Variants in RORA observed in about 807,000 individuals in gnomAD.
RORA encodes RAR related orphan receptor A.
A neutral mutation model predicts 69.5 loss-of-function variants in RORA; 7 were observed. The observed-to-expected ratio is 0.10, with a 90% CI of 0.06 to 0.19. The LOEUF (loss-of-function observed/expected upper bound fraction) is 0.19. RORA is among the 10% of genes least tolerant of loss of function. The probability of loss-of-function intolerance (pLI) is 1.00; values close to 1 mark genes in which losing one functional copy is unlikely to be tolerated. For missense variants in RORA, 457 were observed against 663.0 expected, an observed-to-expected ratio of 0.69 and a Z score of 3.41; for synonymous variants, 261 against 240.8, an observed-to-expected ratio of 1.08 and a Z score of -0.78.
rs528057489 is a variant in RORA at position 60,546,871 on chromosome 15, T to C, written c.197-15020A>G. Among the ~76,000 whole-genome samples the C allele has an allele frequency of 1.4e-4, 21 of 152,344 alleles. No individual in the cohort carries two copies. The South Asian group carries it at 4.4e-3, about 32-fold the overall frequency. On this transcript the variant is annotated intron_variant, in intron 2 of 10. Coordinates refer to ENST00000335670, the MANE Select transcript of RORA (RefSeq NM_134261.3). ...CGTGATTACTATCAGATTATGACAA[T>C]GAAAGTCACCATTCTGTGTTCTTTT... is the stretch of plus-strand genomic sequence containing the variant.
intron 1 of RORA, among the ~76,000 whole-genome samples, chr15:60,742,574 C>T (rs2071588565): frequency 6.6e-6 from 1 of 152,212 alleles, no homozygotes; most frequent in South Asian, 2.1e-4. Flanking sequence ...CAATAGATCT[C>T]TTGAACTTAT....
At chr15:60,789,439 C>T (rs2072384732) in intron 1 of RORA, among the ~76,000 whole-genome samples, 2 of 152,228 alleles carry the variant, frequency 1.3e-5, no homozygotes, top group Admixed American at 6.5e-5. Context: ...ACTCAAGCAC[C>T]ACCTCTTCCA....
intron 1 of RORA, among the ~76,000 whole-genome samples, chr15:60,919,611 T>C (rs1305629668): frequency 1.3e-5 from 2 of 152,178 alleles, no homozygotes; most frequent in African/African-American, 2.4e-5. Flanking sequence ...CTGTATCACA[T>C]TCCTTTCACT....
chr15:60,576,320 C>T (rs2068025431), intron 2 of RORA, among the ~76,000 whole-genome samples: 1 of 152,194 alleles, frequency 6.6e-6, no homozygotes, highest in Non-Finnish European at 1.5e-5. Flanking sequence ...CAGTCAGAAG[C>T]AAGACCCTGG....
chr15:60,841,477 T>C (rs977347309), intron 1 of RORA, among the ~76,000 whole-genome samples: 8 of 151,974 alleles, frequency 5.3e-5, no homozygotes, highest in African/African-American at 1.9e-4. Context: ...TCTCTCTCCC[T>C]CTCTCTCTCT....
intron 1 of RORA, chr15:61,040,996 T>C (rs1177683192): frequency 1.3e-5 from 2 of 152,186 alleles, no homozygotes; most frequent in Non-Finnish European, 2.9e-5. Context: ...ATTGTTGTTT[T>C]GACTGAAATG....
chr15:60,783,635 A>G (rs912985994), intron 1 of RORA, among the ~76,000 whole-genome samples: 2 of 152,254 alleles, frequency 1.3e-5, no homozygotes, highest in East Asian at 3.8e-4. Flanking sequence ...GGTCTAAGTC[A>G]GGTCCTTGGC....
At chr15:60,935,410 A>G (rs1368398914) in intron 1 of RORA, among the ~76,000 whole-genome samples, 3 of 152,226 alleles carry the variant, frequency 2.0e-5, no homozygotes, top group Non-Finnish European at 4.4e-5. Context: ...TCAAACCCAC[A>G]GTGTCCATGC....
intron 1 of RORA, among the ~76,000 whole-genome samples, chr15:61,100,357 T>C (rs2078861556): frequency 6.6e-6 from 1 of 152,156 alleles, no homozygotes; most frequent in African/African-American, 2.4e-5. Context: ...TGACCTCAGA[T>C]GATCTACCCT....
At chr15:60,914,466 T>C (rs1891813285) in intron 1 of RORA, among the ~76,000 whole-genome samples, 1 of 152,218 alleles carries the variant, frequency 6.6e-6, no homozygotes, top group South Asian at 2.1e-4. Flanking sequence ...GTGCTTTCTA[T>C]TTGTGGTTTA....
At chr15:61,160,142 C>T (rs1281115562) in intron 1 of RORA, among the ~76,000 whole-genome samples, 1 of 152,202 alleles carries the variant, frequency 6.6e-6, no homozygotes, top group Non-Finnish European at 1.5e-5. Context: ...TAAATCAACA[C>T]TCCACATAAG....
intron 1 of RORA, among the ~76,000 whole-genome samples, chr15:60,923,268 C>G (rs1892105473): frequency 6.6e-6 from 1 of 152,204 alleles, no homozygotes; most frequent in South Asian, 2.1e-4. Flanking sequence ...GTTCTTACCA[C>G]GTTTTATTAA....
chr15:61,228,374 T>C (rs1487973809), intron 1 of RORA, among the ~76,000 whole-genome samples: 1 of 147,584 alleles, frequency 6.8e-6, no homozygotes, highest in African/African-American at 2.4e-5. Flanking sequence ...GCCAGACAAC[T>C]TGGCGAACAG....
At chr15:61,114,240 A>G (rs2079031524) in intron 1 of RORA, among the ~76,000 whole-genome samples, 1 of 152,044 alleles carries the variant, frequency 6.6e-6, no homozygotes, top group South Asian at 2.1e-4. Context: ...CTCTCCCCCA[A>G]ACCCAAGCAA....
intron 1 of RORA, among the ~76,000 whole-genome samples, chr15:60,811,095 T>C (rs2072736796): frequency 6.6e-6 from 1 of 152,156 alleles, no homozygotes; most frequent in Non-Finnish European, 1.5e-5. Context: ...TGAACCTATG[T>C]CTTAACCCCA....
chr15:60,877,876 GAT>G (rs530576417), intron 1 of RORA, among the ~76,000 whole-genome samples: 55 of 152,242 alleles, frequency 3.6e-4, no homozygotes, highest in South Asian at 1.2e-3. Context: ...CTAAATCATA[GAT>G]CAGTGGTGCT....
At chr15:61,146,482 A>G (rs3053965) in intron 1 of RORA, among the ~76,000 whole-genome samples, 8 of 146,660 alleles carry the variant, frequency 5.5e-5, no homozygotes, top group South Asian at 2.2e-4. Context: ...ACACACACAC[A>G]CGCACACACA....
chr15:60,664,710 A>C (rs1447152413), intron 2 of RORA, among the ~76,000 whole-genome samples: 1 of 152,220 alleles, frequency 6.6e-6, no homozygotes, highest in East Asian at 1.9e-4. Flanking sequence ...ATCAGTGTTA[A>C]GATAGAATTG....
intron 1 of RORA, among the ~76,000 whole-genome samples, chr15:60,855,723 C>T (rs1179326034): frequency 6.6e-6 from 1 of 150,908 alleles, no homozygotes; most frequent in Non-Finnish European, 1.5e-5. Flanking sequence ...CGGATTTAAG[C>T]GATTCTCCTG....
Sources: allele counts gnomAD v4.1 joint callset (sites outside exome capture counted in the v4.1 genomes callset), GRCh38; gene constraint gnomAD v4.1.1; transcripts MANE v1.5; gene names NCBI Gene and HGNC (gene_info 2026-07-23, HGNC 2026-07-21).